The following DDHD2 variants were observed in gnomAD, a reference collection of about 807,000 sequenced individuals.
DDHD2 encodes DDHD domain containing 2, also known as triacylglycerol hydrolase DDHD2.
A neutral mutation model predicts 91.2 loss-of-function variants in DDHD2; 62 were observed. The observed-to-expected ratio is 0.68, with a 90% CI of 0.55 to 0.84. DDHD2 has a LOEUF of 0.84. Ranked by LOEUF, DDHD2 falls within the 40% of genes least tolerant of loss-of-function variation. DDHD2 has a pLI of 0.00. For missense variants in DDHD2, 740 were observed against 846.9 expected (o/e 0.87, Z 1.57); for synonymous variants, 271 against 293.9 (o/e 0.92, Z 0.80).
At chr8:38,253,517 A>G (rs368255807) in intron 15 of DDHD2, 39 bp from the exon 16 acceptor site, 8 of 1,588,118 alleles carry the variant, frequency 5.0e-6, no homozygotes, top group East Asian at 2.2e-5. Flanking sequence ...CTGAAGGCCA[A>G]AAGGTTTTAG....
chr8:38,253,422 A>T (rs962685844), intron 15 of DDHD2, 134 bp from the exon 16 acceptor site: 1 of 832,244 alleles, frequency 1.2e-6, no homozygotes, highest in African/African-American at 1.7e-5. Context: ...GATTGAGAGG[A>T]GGAAGATGGG....
chr8:38,251,872 C>T (rs371850752), intron 11 of DDHD2, 40 bp from the exon 12 acceptor site: 748 of 1,481,248 alleles, frequency 5.0e-4, no homozygotes, highest in Admixed American at 9.9e-4. Context: ...TGCATGCCGT[C>T]ATGCCCAGCT....
Position 38,240,416 on chromosome 8 carries a change from A to C in DDHD2, c.712+52A>C, listed in dbSNP as rs1384747361. The C allele has an allele frequency of 7.6e-6, 10 of 1,310,958 alleles. No homozygotes were observed. In the South Asian group the frequency reaches 1.2e-4, roughly 15 times the overall value. The allele number at this position is 1,310,958 out of a possible 1,614,324, so 81.2% of individuals were successfully genotyped here. ...TATTAATCAGTGCTCTTGTGAGCTG[A>C]GATAAAGCCTTGTCTTTGGTCTATT... On this transcript the variant is annotated intron_variant, in intron 6 of 17. Coordinates refer to ENST00000397166, the MANE Select transcript of DDHD2 (RefSeq NM_015214.3).
chr8:38,248,678 G>T (rs896181984), intron 10 of DDHD2, among the ~76,000 whole-genome samples: 1 of 152,048 alleles, frequency 6.6e-6, no homozygotes, highest in Non-Finnish European at 1.5e-5. Flanking sequence ...TGGGTGTGGT[G>T]GCTCATGCCT....
At chr8:38,268,959 G>C (rs1808212129) in intron 1 of DDHD2, 2 of 1,567,864 alleles carry the variant, frequency 1.3e-6, no homozygotes, top group East Asian at 2.4e-5. Context: ...GGCTGGATGA[G>C]TCTCTGGAAC....
chr8:38,269,222 G>T, intron 1 of DDHD2: 2 of 1,484,758 alleles, frequency 1.3e-6, no homozygotes. Context: ...TCCGAGCGAC[G>T]CTGCGCTGAC....
chr8:38,264,757 T>G (rs1171035697), downstream of DDHD2: 1 of 1,454,150 alleles, frequency 6.9e-7, no homozygotes, highest in Non-Finnish European at 9.1e-7. Flanking sequence ...TAAAATCTTT[T>G]TATTCTCAAT....
At chr8:38,233,962 G>A (rs943266396) in intron 2 of DDHD2, among the ~76,000 whole-genome samples, 1 of 151,478 alleles carries the variant, frequency 6.6e-6, no homozygotes, top group East Asian at 1.9e-4. Flanking sequence ...AAAAAAGTAT[G>A]TATAGAGTGG....
intron 6 of DDHD2, among the ~76,000 whole-genome samples, chr8:38,240,827 C>T (rs1805198705): frequency 6.6e-6 from 1 of 152,052 alleles, no homozygotes; most frequent in African/African-American, 2.4e-5. Flanking sequence ...AATCCCAGCA[C>T]TTTGGGAGGC....
intron 3 of DDHD2, 58 bp downstream of exon 3, chr8:38,234,642 C>A: frequency 1.4e-6 from 2 of 1,384,038 alleles, no homozygotes; most frequent in South Asian, 1.4e-5. Context: ...ATAATCTTTT[C>A]TTTCCTTTGT....
chr8:38,268,259 T>C, intron 1 of DDHD2: 1 of 1,123,448 alleles, frequency 8.9e-7, no homozygotes, highest in Admixed American at 2.5e-5. Flanking sequence ...ATAGAGTTCC[T>C]TTAGGAATGC....
chr8:38,269,178 C>T (rs1292718048), intron 1 of DDHD2: 4 of 1,500,434 alleles, frequency 2.7e-6, no homozygotes, highest in East Asian at 2.7e-5. Context: ...CCAAAGGCCA[C>T]CGCCGCCGCC....
rs777858708 is a variant in DDHD2, at chr8:38,237,597, C to A, written c.471C>A (p.Asn157Lys). Residue 157 changes from asparagine (N) to lysine (K), a missense_variant, in exon 4 of 18, where the codon AAC (asparagine) becomes AAA (lysine). Physicochemically the swap from Asn to Lys is moderately conservative, Grantham distance 94. This residue lies in a region of DDHD2 where 693 missense variants were observed against 764.2 expected (regional missense o/e 0.91). Transcript: ENST00000397166. ...GGAAAAAGAAACTGGAATCTCCCAA[C>A]AGAGAAATTATTATTTTACACAATC... Reference protein sequence around the residue: ...DEWKKKLESPNREIIILHNPK... With the variant: ...DEWKKKLESPKREIIILHNPK... 1.1e-5 allele frequency: 17 copies of A among 1,588,834 alleles called. No individual in the cohort carries two copies. The highest frequency in any genetic ancestry group is 1.4e-5 in the African/African-American group (1 of 73,876).
At chr8:38,266,309 CAACTGGAACAAGAAAAACTTTT>C, downstream of DDHD2, 1 of 1,610,176 alleles carries the variant, frequency 6.2e-7, no homozygotes, top group Non-Finnish European at 8.5e-7. Flanking sequence ...CCAGCAAATG[CAACTGGAACAAGAAAAACTTTT>C]AAGTGGTTTG....
intron 2 of DDHD2, among the ~76,000 whole-genome samples, chr8:38,233,726 G>C (rs1804473938): frequency 6.6e-6 from 1 of 152,038 alleles, no homozygotes; most frequent in Non-Finnish European, 1.5e-5. Flanking sequence ...GTCAGAGTTT[G>C]AGATTAGCCT....
chr8:38,234,614 C>G, intron 3 of DDHD2, 30 bp downstream of exon 3: 1 of 1,487,454 alleles, frequency 6.7e-7, no homozygotes, highest in East Asian at 2.4e-5. Context: ...TTTACTTATT[C>G]TTTCTTTCTC....
chr8:38,263,213 A>T, downstream of DDHD2: 1 of 170,882 alleles, frequency 5.9e-6, no homozygotes, highest in Non-Finnish European at 1.2e-5. Flanking sequence ...TGTCATATTT[A>T]AAGTATAATC....
At chr8:38,252,424 T>G (rs1055314207) in intron 13 of DDHD2, 137 bp downstream of exon 13, 62 of 960,076 alleles carry the variant, frequency 6.5e-5, no homozygotes, top group Non-Finnish European at 8.9e-5. Flanking sequence ...AGTATTGATT[T>G]GGAAGTGATG....
At chr8:38,262,987 CT>C (rs1807150926), downstream of DDHD2, 1 of 152,128 alleles carries the variant, frequency 6.6e-6, no homozygotes, top group Non-Finnish European at 1.5e-5. Context: ...AGAGACTTTC[CT>C]TTGGTATTTA....
Sources: gnomAD v4.1 joint callset for allele counts (sites outside exome capture counted in the v4.1 genomes callset) on GRCh38, gnomAD v4.1.1 for gene constraint, gnomAD v4.1.1 regional missense constraint, MANE v1.5 for transcripts, NCBI Gene and HGNC (gene_info 2026-07-23, HGNC 2026-07-21) for gene names.